The following MPHOSPH10 variants were observed in gnomAD, a reference collection of about 807,000 sequenced individuals.
MPHOSPH10 encodes the protein U3 small nucleolar ribonucleoprotein MPP10.
A neutral mutation model predicts 77.3 loss-of-function variants in MPHOSPH10; 33 were observed. The observed-to-expected ratio is 0.43, with a 90% CI of 0.32 to 0.57. The LOEUF is 0.57. MPHOSPH10 is among the 20% of genes least tolerant of loss of function. The pLI is 0.07. For missense variants in MPHOSPH10, 708 were observed against 780.1 expected (o/e 0.91, Z 1.10); for synonymous variants, 245 against 268.0 (o/e 0.91, Z 0.84).
At chr2:71,137,995 A>T (rs1336405338) in intron 4 of MPHOSPH10, among the ~76,000 whole-genome samples, 1 of 151,900 alleles carries the variant, frequency 6.6e-6, no homozygotes, top group Non-Finnish European at 1.5e-5. Flanking sequence ...CGGGAGGCTG[A>T]GGCAGGAGAA....
At position 71,144,476 on chromosome 2, in the gene MPHOSPH10, A is replaced by G; in HGVS notation, c.1495A>G (p.Met499Val). Residue 499 changes from methionine to valine, a missense_variant, in exon 8 of 11, where the codon ATG becomes GTG. Physicochemically the swap from Met to Val is conservative, Grantham distance 21 (BLOSUM62 1). Transcript: ENST00000244230. The stretch of plus-strand genomic sequence containing the variant: ...TCCAGAACATGTAGAAATTCAGAAG[A>G]TGATGGATTCCCTCTTCTTAAAATT... The part of the protein sequence containing the change: ...ENPEHVEIQK[M>V]MDSLFLKLDA... The G allele has an allele frequency of 6.2e-7, 1 of 1,614,206 alleles. No homozygotes were observed.
intron 8 of MPHOSPH10, among the ~76,000 whole-genome samples, chr2:71,147,554 T>A (rs1673739571): frequency 6.6e-6 from 1 of 151,966 alleles, no homozygotes; most frequent in African/African-American, 2.4e-5. Context: ...GCGCCTGTAG[T>A]CCCAGCTACT....
chr2:71,138,059 C>A (rs899223769), intron 4 of MPHOSPH10, among the ~76,000 whole-genome samples: 4 of 152,082 alleles, frequency 2.6e-5, no homozygotes, highest in Non-Finnish European at 1.5e-5. Flanking sequence ...TGCACTCCAG[C>A]CTAGGCGACA....
intron 8 of MPHOSPH10, among the ~76,000 whole-genome samples, chr2:71,145,508 G>GTT (rs1553442395): frequency 9.2e-6 from 1 of 108,780 alleles, no homozygotes; most frequent in African/African-American, 3.6e-5. Context: ...TTGTTTGTTT[G>GTT]GTTTTTTTTT....
chr2:71,143,092 T>G (rs12476801), intron 7 of MPHOSPH10, among the ~76,000 whole-genome samples: 40,747 of 151,968 alleles, frequency 0.27, 6,850 homozygotes, highest in Middle Eastern at 0.37. Context: ...ACCATCCAAA[T>G]GGGTATTTGG....
At chr2:71,147,305 C>T (rs1452898389) in intron 8 of MPHOSPH10, among the ~76,000 whole-genome samples, 1 of 152,138 alleles carries the variant, frequency 6.6e-6, no homozygotes, top group Non-Finnish European at 1.5e-5. Context: ...AGAATGTCCA[C>T]ATGCATGGTA....
intron 5 of MPHOSPH10, chr2:71,139,065 A>C: frequency 3.1e-6 from 1 of 325,814 alleles, no homozygotes; most frequent in Non-Finnish European, 5.7e-6. Context: ...CAACTTATAA[A>C]CACAGAAGAG....
intron 4 of MPHOSPH10, among the ~76,000 whole-genome samples, chr2:71,136,997 C>T (rs1673509176): frequency 6.7e-6 from 1 of 149,008 alleles, no homozygotes; most frequent in Non-Finnish European, 1.5e-5. Flanking sequence ...ATGCAAAAAT[C>T]CTACAGCACA....
At position 71,139,667 on chromosome 2, in the gene MPHOSPH10, G is replaced by A. The variant is rs548238897; in HGVS notation, c.1241-128G>A. ...CCCACTTTCTGATTCAGGAAGTATG[G>A]GGGTGGCCCAGGAATTTGCATTTCT... On this transcript the variant is annotated intron_variant, in intron 5 of 10. Coordinates refer to ENST00000244230, the MANE Select transcript of MPHOSPH10 (RefSeq NM_005791.3). The A allele has an allele frequency of 2.7e-5, 17 of 629,834 alleles. No homozygotes were observed. In the South Asian group the frequency reaches 3.5e-4, roughly 13 times the overall value. The allele number at this position is 629,834 out of a possible 1,614,324, so 39.0% of individuals were successfully genotyped here.
At chr2:71,141,655 T>C (rs189381866) in intron 7 of MPHOSPH10, among the ~76,000 whole-genome samples, 14 of 152,344 alleles carry the variant, frequency 9.2e-5, no homozygotes, top group South Asian at 4.1e-4. Context: ...GCATTTCTCA[T>C]TGATATTTTG....
At chr2:71,147,960 C>T in intron 8 of MPHOSPH10, 39 bp from the exon 9 acceptor site, 1 of 1,502,644 alleles carries the variant, frequency 6.7e-7, no homozygotes, top group Non-Finnish European at 9.3e-7. Context: ...TGTTAGAGTC[C>T]CTTCTGGCTT....
At chr2:71,145,393 G>A (rs990737126) in intron 8 of MPHOSPH10, among the ~76,000 whole-genome samples, 3 of 152,136 alleles carry the variant, frequency 2.0e-5, no homozygotes, top group African/African-American at 7.2e-5. Context: ...TTGTACCGAA[G>A]AGCTAATCTC....
intron 6 of MPHOSPH10, among the ~76,000 whole-genome samples, chr2:71,140,236 T>A (rs1445152946): frequency 6.6e-6 from 1 of 152,190 alleles, no homozygotes; most frequent in Non-Finnish European, 1.5e-5. Flanking sequence ...CTGTTACTTA[T>A]AACAGAATAT....
chr2:71,137,771 T>C (rs1421468257), intron 4 of MPHOSPH10, among the ~76,000 whole-genome samples: 10 of 151,652 alleles, frequency 6.6e-5, no homozygotes, highest in Non-Finnish European at 8.8e-5. Context: ...ATAAACTGAA[T>C]TGATATTAGG....
intron 8 of MPHOSPH10, among the ~76,000 whole-genome samples, chr2:71,147,085 T>C (rs948181088): frequency 2.0e-5 from 3 of 152,146 alleles, no homozygotes; most frequent in Non-Finnish European, 2.9e-5. Context: ...TTTTCAGTAT[T>C]ATTTCATATT....
In MPHOSPH10 at chr2:71,133,279, A is replaced by G. The variant is rs1333827642; in HGVS notation, c.471A>G (p.Lys157=). The G allele has an allele frequency of 3.1e-6, 5 of 1,613,998 alleles. No homozygotes were observed. Among genetic ancestry groups the G allele is most frequent in the East Asian group, 2.2e-5 (1 of 44,884 alleles). Reference sequence around the variant, plus strand: ...GTGAGAGAGCTGAAAACTCAAGCAAATCTGATCTGAGGAAAAGCCCCGTTT... The same window carrying G: ...GTGAGAGAGCTGAAAACTCAAGCAAGTCTGATCTGAGGAAAAGCCCCGTTT... ...EMGERAENSS[K]SDLRKSPVFS... The change falls in exon 2 of 11, where the codon AAA becomes AAG. Residue 157 remains lysine (K), a synonymous_variant. Transcript: ENST00000244230.
chr2:71,143,544 C>G (rs1285961639), intron 7 of MPHOSPH10, among the ~76,000 whole-genome samples: 5 of 152,158 alleles, frequency 3.3e-5, no homozygotes, highest in Non-Finnish European at 2.9e-5. Flanking sequence ...TATGTAACTA[C>G]TAGCTCTCTC....
intron 8 of MPHOSPH10, among the ~76,000 whole-genome samples, chr2:71,146,134 CCTTGGAATA>C (rs1410936020): frequency 1.3e-5 from 2 of 152,182 alleles, no homozygotes; most frequent in Non-Finnish European, 2.9e-5. Flanking sequence ...TTTAGACATT[CCTTGGAATA>C]CTGGGAAGTG....
intron 1 of MPHOSPH10, among the ~76,000 whole-genome samples, chr2:71,131,087 C>T (rs1033307448): frequency 1.3e-5 from 2 of 152,156 alleles, no homozygotes; most frequent in Non-Finnish European, 2.9e-5. Context: ...GCACTTAGCG[C>T]TTAGCATACT....
Sources: allele counts gnomAD v4.1 joint callset (sites outside exome capture counted in the v4.1 genomes callset), GRCh38; gene constraint gnomAD v4.1.1; transcripts MANE v1.5; gene names NCBI Gene and HGNC (gene_info 2026-07-23, HGNC 2026-07-21).